ZNF503: variants seen among roughly 807,000 people sequenced by gnomAD.
The protein encoded by ZNF503 is zinc finger protein 503.
In ZNF503, 15 loss-of-function variants were observed where a neutral mutation model predicts 34.4. The ratio of observed to expected loss-of-function variants is 0.44; its 90% CI spans 0.29 to 0.67. The LOEUF (loss-of-function observed/expected upper bound fraction) is 0.67, where lower values mean the gene tolerates loss of function less well. Ranked by LOEUF, ZNF503 falls within the 30% of genes least tolerant of loss-of-function variation. ZNF503 has a pLI of 0.13. For missense variants in ZNF503, 1,007 were observed against 926.8 expected (o/e 1.09, Z -1.12); for synonymous variants, 580 against 456.8 (o/e 1.27, Z -3.44).
the ZNF503 span, among the ~76,000 whole-genome samples, chr10:75,300,704 C>CTTTCTTT: frequency 1.6e-3 from 172 of 108,740 alleles, 1 homozygote; most frequent in African/African-American, 5.9e-3. Flanking sequence ...TTCTTTCTTT[C>CTTTCTTT]TTTTTTTTTT....
the ZNF503 span, among the ~76,000 whole-genome samples, chr10:75,371,778 A>G: frequency 6.6e-6 from 1 of 152,158 alleles, no homozygotes; most frequent in Non-Finnish European, 1.5e-5. Context: ...TGAGCAGACC[A>G]GGTAATTTCC....
At chr10:75,337,203 A>G in the ZNF503 span, among the ~76,000 whole-genome samples, 2 of 152,028 alleles carry the variant, frequency 1.3e-5, no homozygotes, top group African/African-American at 4.8e-5. Context: ...GCGTGCCTGT[A>G]GTCCCAGCTA....
the ZNF503 span, among the ~76,000 whole-genome samples, chr10:75,384,652 C>G: frequency 6.6e-6 from 1 of 152,162 alleles, no homozygotes; most frequent in East Asian, 1.9e-4. Context: ...CCCTGCGGCC[C>G]AGCACCCAAA....
the ZNF503 span, among the ~76,000 whole-genome samples, chr10:75,386,703 G>T: frequency 6.6e-6 from 1 of 152,100 alleles, no homozygotes; most frequent in Non-Finnish European, 1.5e-5. Context: ...GCTCCCTATT[G>T]CTTATTGAAG....
chr10:75,379,043 A>G, the ZNF503 span, among the ~76,000 whole-genome samples: 1 of 152,132 alleles, frequency 6.6e-6, no homozygotes, highest in Non-Finnish European at 1.5e-5. Context: ...TAAACAAAGT[A>G]TTTATAAGGC....
At chr10:75,303,432 A>G in the ZNF503 span, among the ~76,000 whole-genome samples, 4 of 152,310 alleles carry the variant, frequency 2.6e-5, no homozygotes, top group East Asian at 3.9e-4. Flanking sequence ...TGCTTCAGGG[A>G]GGATTGGGAT....
At chr10:75,334,449 T>A in the ZNF503 span, among the ~76,000 whole-genome samples, 1 of 152,216 alleles carries the variant, frequency 6.6e-6, no homozygotes, top group Admixed American at 6.5e-5. Flanking sequence ...TCTTGTCCCC[T>A]GGTAAGTCTT....
At chr10:75,357,778 T>G in the ZNF503 span, among the ~76,000 whole-genome samples, 1 of 152,172 alleles carries the variant, frequency 6.6e-6, no homozygotes, top group Non-Finnish European at 1.5e-5. Flanking sequence ...CCTCTAATAT[T>G]GGGCCATGAT....
the ZNF503 span, among the ~76,000 whole-genome samples, chr10:75,391,003 T>C: frequency 1.3e-5 from 2 of 152,204 alleles, no homozygotes; most frequent in African/African-American, 4.8e-5. Flanking sequence ...CTCTTCCTTT[T>C]CTTAGAAGGC....
the ZNF503 span, among the ~76,000 whole-genome samples, chr10:75,329,404 T>TC: frequency 1.9e-3 from 164 of 84,524 alleles, no homozygotes; most frequent in African/African-American, 7.1e-3. Context: ...CTTCCTTCCT[T>TC]CCTTCCTTCC....
At chr10:75,358,584 G>A in the ZNF503 span, 1 of 152,124 alleles carries the variant, frequency 6.6e-6, no homozygotes, top group South Asian at 2.1e-4. Context: ...AAGGCAGGAG[G>A]GGAGGCCTGC....
chr10:75,354,591 T>C, the ZNF503 span, among the ~76,000 whole-genome samples: 2 of 151,992 alleles, frequency 1.3e-5, no homozygotes, highest in Admixed American at 1.3e-4. Flanking sequence ...GGCACATGCC[T>C]ATAGTCCCAG....
upstream of ZNF503, chr10:75,401,777 C>A: frequency 6.5e-6 from 2 of 306,894 alleles, no homozygotes; most frequent in South Asian, 5.4e-5. Flanking sequence ...CGAGGAAACT[C>A]ACTTCAAAAG....
At chr10:75,329,417 TCCTTCCTTC>T in the ZNF503 span, among the ~76,000 whole-genome samples, 1 of 64,094 alleles carries the variant, frequency 1.6e-5, no homozygotes, top group African/African-American at 5.5e-5. Flanking sequence ...TTCCTTCCTT[TCCTTCCTTC>T]CTTCCTTCCT....
chr10:75,281,098 G>T, the ZNF503 span, among the ~76,000 whole-genome samples: 2 of 152,098 alleles, frequency 1.3e-5, no homozygotes, highest in African/African-American at 4.8e-5. Context: ...GAAACTGAAA[G>T]GTCGCTCTCC....
chr10:75,356,585 G>A, the ZNF503 span, among the ~76,000 whole-genome samples: 3 of 152,250 alleles, frequency 2.0e-5, no homozygotes, highest in Non-Finnish European at 4.4e-5. Context: ...CCACGTGAGA[G>A]GGTCTGGGAG....
chr10:75,281,095 A>T, the ZNF503 span, among the ~76,000 whole-genome samples: 2 of 152,250 alleles, frequency 1.3e-5, no homozygotes, highest in African/African-American at 4.8e-5. Context: ...ATTGAAACTG[A>T]AAGGTCGCTC....
At chr10:75,383,482 G>T in the ZNF503 span, among the ~76,000 whole-genome samples, 1 of 152,174 alleles carries the variant, frequency 6.6e-6, no homozygotes, top group African/African-American at 2.4e-5. Context: ...ACCAGAACAT[G>T]TCTTGGTGAC....
chr10:75,383,413 T>G, the ZNF503 span, among the ~76,000 whole-genome samples: 1 of 152,114 alleles, frequency 6.6e-6, no homozygotes, highest in Non-Finnish European at 1.5e-5. Flanking sequence ...CACTTCTGCT[T>G]TCTTTTCTAG....
Sources: gnomAD v4.1 joint callset for allele counts (sites outside exome capture counted in the v4.1 genomes callset) on GRCh38, gnomAD v4.1.1 for gene constraint, MANE v1.5 for transcripts, NCBI Gene and HGNC (gene_info 2026-07-23, HGNC 2026-07-21) for gene names.